R3HDM2: variants seen among roughly 807,000 people sequenced by gnomAD.
R3HDM2 encodes the protein R3H domain containing 2, also known as R3H domain-containing protein 2.
In R3HDM2, 38 loss-of-function variants were observed where a neutral mutation model predicts 124.5. That is an observed-to-expected ratio of 0.31 (90% CI 0.24 to 0.40). R3HDM2 has a LOEUF of 0.40. Among genes scored for constraint, R3HDM2 ranks in the 10% least tolerant of loss-of-function variants. The pLI is 1.00. For synonymous variants in R3HDM2, 391 were observed against 448.0 expected, an observed-to-expected ratio of 0.87 and a Z score of 1.61; for missense variants, 869 against 1,236.9, an observed-to-expected ratio of 0.70 and a Z score of 4.46.
At chr12:57,428,119 CAAA>C (rs879458111) in intron 1 of R3HDM2, among the ~76,000 whole-genome samples, 1 of 131,936 alleles carries the variant, frequency 7.6e-6, no homozygotes, top group Non-Finnish European at 1.6e-5. Context: ...GACTCCATCT[CAAA>C]AAAAAAAAAG....
intron 1 of R3HDM2, among the ~76,000 whole-genome samples, chr12:57,413,401 C>T (rs991557379): frequency 1.4e-5 from 2 of 146,472 alleles, no homozygotes; most frequent in African/African-American, 2.5e-5. Context: ...CAAGACCAGC[C>T]GGGCCAATAT....
chr12:57,341,422 C>A (rs2059553600), intron 2 of R3HDM2: 1 of 984,436 alleles, frequency 1.0e-6, no homozygotes, highest in African/African-American at 1.7e-5. Context: ...TTCTCTCCGT[C>A]CCCTCCCTCT....
chr12:57,269,922 A>G lies in R3HDM2; in HGVS notation c.1417T>C (p.Ser473Pro), dbSNP rs375252334. 5.1e-5 allele frequency: 83 copies of G among 1,614,056 alleles called. No individual in the cohort carries two copies. The highest frequency in any genetic ancestry group is 6.6e-5 in the Non-Finnish European group (78 of 1,180,026). Residue 473 changes from serine (S) to proline (P), a missense_variant, in exon 15 of 24, where the codon TCT becomes CCT. By Grantham distance (74) the Ser-to-Pro change is moderately conservative (BLOSUM62 -1). This residue lies in a region of R3HDM2 where 602 missense variants were observed against 789.2 expected (regional missense o/e 0.76). Transcript: ENST00000402412. The stretch of plus-strand genomic sequence containing the variant: ...AGTGGGGTCTGGAATAGAGCTGCAG[A>G]TGGGTCAGCTGCTTCAGTAGAACCT... Reference protein sequence around the residue: ...RQGSTEAADPSAALFQTPLIS... With the variant: ...RQGSTEAADPPAALFQTPLIS...
intron 2 of R3HDM2, among the ~76,000 whole-genome samples, chr12:57,391,033 A>C (rs1347471890): frequency 6.6e-6 from 1 of 152,026 alleles, no homozygotes; most frequent in Non-Finnish European, 1.5e-5. Flanking sequence ...AAAAAAAAGA[A>C]AGAAAGAAAA....
At chr12:57,326,656 G>C (rs1053125124) in intron 2 of R3HDM2, among the ~76,000 whole-genome samples, 1 of 152,158 alleles carries the variant, frequency 6.6e-6, no homozygotes, top group Non-Finnish European at 1.5e-5. Flanking sequence ...AATTGATAAA[G>C]GTGGCTACAT....
chr12:57,272,710 G>A (rs2043870847), intron 14 of R3HDM2, among the ~76,000 whole-genome samples: 1 of 152,238 alleles, frequency 6.6e-6, no homozygotes. Flanking sequence ...TGAGTAGCAC[G>A]ACTGCTGAGC....
chr12:57,340,515 AC>A (rs763850264), intron 2 of R3HDM2, among the ~76,000 whole-genome samples: 36 of 151,734 alleles, frequency 2.4e-4, no homozygotes, highest in Non-Finnish European at 4.6e-4. Flanking sequence ...ACCACACCCC[AC>A]CCCCCAAAAA....
intron 6 of R3HDM2, 92 bp downstream of exon 6, chr12:57,299,260 G>A: frequency 7.4e-7 from 1 of 1,355,628 alleles, no homozygotes; most frequent in Non-Finnish European, 1.0e-6. Context: ...ACTACAAATT[G>A]ATGGGCCAGT....
intron 2 of R3HDM2, among the ~76,000 whole-genome samples, chr12:57,348,149 C>T (rs546303441): frequency 2.0e-5 from 3 of 152,282 alleles, no homozygotes; most frequent in African/African-American, 7.2e-5. Context: ...ATCAGCTTGG[C>T]ACAGTGGCTC....
chr12:57,426,361 T>C (rs2070740292), intron 1 of R3HDM2, among the ~76,000 whole-genome samples: 1 of 152,136 alleles, frequency 6.6e-6, no homozygotes, highest in African/African-American at 2.4e-5. Flanking sequence ...AAAATCAATC[T>C]GTGAAAAAAG....
chr12:57,338,722 C>T (rs1175680557), intron 2 of R3HDM2, among the ~76,000 whole-genome samples: 2 of 152,004 alleles, frequency 1.3e-5, no homozygotes, highest in East Asian at 3.9e-4. Flanking sequence ...AAAACTCAAT[C>T]TCGTACATGG....
chr12:57,426,104 T>G (rs1481995743), intron 1 of R3HDM2, among the ~76,000 whole-genome samples: 1 of 152,130 alleles, frequency 6.6e-6, no homozygotes, highest in African/African-American at 2.4e-5. Flanking sequence ...AGCCGATGCC[T>G]GTAATCCCAG....
chr12:57,330,118 T>C (rs1360009444), intron 2 of R3HDM2, among the ~76,000 whole-genome samples: 1 of 151,314 alleles, frequency 6.6e-6, no homozygotes, highest in Non-Finnish European at 1.5e-5. Flanking sequence ...AGGCATGCAC[T>C]GACATGCCTG....
At chr12:57,315,327 C>T (rs1269872022) in intron 2 of R3HDM2, among the ~76,000 whole-genome samples, 1 of 152,076 alleles carries the variant, frequency 6.6e-6, no homozygotes, top group African/African-American at 2.4e-5. Flanking sequence ...AGGTGTGAGC[C>T]ACTGCACCCA....
At chr12:57,354,888 G>A (rs1275960065) in intron 2 of R3HDM2, among the ~76,000 whole-genome samples, 1 of 151,866 alleles carries the variant, frequency 6.6e-6, no homozygotes, top group African/African-American at 2.4e-5. Context: ...GCAGTGGGAT[G>A]ATCACAGCTC....
intron 2 of R3HDM2, among the ~76,000 whole-genome samples, chr12:57,365,935 C>CA (rs33933302): frequency 0.8 from 117,284 of 146,628 alleles, 49,617 homozygotes; most frequent in Non-Finnish European, 0.95. Context: ...GACTCCATCT[C>CA]AAAAAAAAAA....
At chr12:57,286,288 C>T (rs1484686183) in intron 12 of R3HDM2, among the ~76,000 whole-genome samples, 2 of 152,150 alleles carry the variant, frequency 1.3e-5, no homozygotes, top group African/African-American at 4.8e-5. Context: ...TGGCAATAAA[C>T]ATCAGTAAGG....
At chr12:57,301,060 T>C (rs906623668) in intron 4 of R3HDM2, among the ~76,000 whole-genome samples, 1 of 151,720 alleles carries the variant, frequency 6.6e-6, no homozygotes, top group African/African-American at 2.4e-5. Context: ...GCTGTGATCA[T>C]GCCACTGTAC....
At chr12:57,424,741 G>C (rs1356912588) in intron 1 of R3HDM2, among the ~76,000 whole-genome samples, 1 of 151,994 alleles carries the variant, frequency 6.6e-6, no homozygotes, top group Non-Finnish European at 1.5e-5. Context: ...CTCTCATTCT[G>C]TCACCCAGGC....
Sources: allele counts gnomAD v4.1 joint callset (sites outside exome capture counted in the v4.1 genomes callset), GRCh38; gene constraint gnomAD v4.1.1; regional missense constraint gnomAD v4.1.1; transcripts MANE v1.5; gene names NCBI Gene and HGNC (gene_info 2026-07-23, HGNC 2026-07-21).